The following PSD3 variants were observed in gnomAD, a reference collection of about 807,000 sequenced individuals.
PSD3 encodes pleckstrin and Sec7 domain containing 3.
PSD3 carries 49 observed loss-of-function variants against 105.5 expected under a neutral mutation model. That is an observed-to-expected ratio of 0.46 (90% CI 0.37 to 0.59). The LOEUF (loss-of-function observed/expected upper bound fraction) is 0.59, where lower values mean the gene tolerates loss of function less well. Ranked by LOEUF, PSD3 falls within the 20% of genes least tolerant of loss-of-function variation. The pLI is 0.00. For synonymous variants in PSD3, 557 were observed against 457.8 expected, an observed-to-expected ratio of 1.22 and a Z score of -2.77; for missense variants, 1,561 against 1,263.8, an observed-to-expected ratio of 1.24 and a Z score of -3.57.
chr8:19,008,200 G>A (rs1203581975), intron 1 of PSD3, among the ~76,000 whole-genome samples: 1 of 152,178 alleles, frequency 6.6e-6, no homozygotes, highest in African/African-American at 2.4e-5. Flanking sequence ...GTGGCTGACA[G>A]ACCTTTTGTA....
chr8:18,616,010 C>T (rs1482026567), intron 11 of PSD3, among the ~76,000 whole-genome samples: 1 of 140,152 alleles, frequency 7.1e-6, no homozygotes, highest in African/African-American at 2.6e-5. Flanking sequence ...AGAATCTGTT[C>T]TCCAAGGAAT....
At chr8:19,069,549 T>G (rs1284374414) in intron 1 of PSD3, among the ~76,000 whole-genome samples, 1 of 152,212 alleles carries the variant, frequency 6.6e-6, no homozygotes, top group African/African-American at 2.4e-5. Flanking sequence ...GAGATAAGAT[T>G]TGTACACAAA....
At chr8:18,663,791 G>C (rs1809526668) in intron 9 of PSD3, among the ~76,000 whole-genome samples, 1 of 152,186 alleles carries the variant, frequency 6.6e-6, no homozygotes, top group Non-Finnish European at 1.5e-5. Flanking sequence ...GCCTCACTGA[G>C]CTTCACGTAT....
intron 1 of PSD3, among the ~76,000 whole-genome samples, chr8:18,991,548 C>T (rs904063397): frequency 2.0e-5 from 3 of 152,052 alleles, no homozygotes; most frequent in African/African-American, 7.2e-5. Flanking sequence ...TTGGTAATAC[C>T]TGTGGAATGA....
intron 9 of PSD3, among the ~76,000 whole-genome samples, chr8:18,721,727 C>T (rs941376736): frequency 2.0e-5 from 3 of 152,188 alleles, no homozygotes; most frequent in Non-Finnish European, 4.4e-5. Context: ...GAGGCATTTG[C>T]TAGTGTAACT....
At chr8:18,775,266 T>C (rs7814472) in intron 8 of PSD3, among the ~76,000 whole-genome samples, 17,992 of 152,202 alleles carry the variant, frequency 0.12, 2,088 homozygotes, top group East Asian at 0.49. Flanking sequence ...CATCTATAAA[T>C]TAACATTTAG....
chr8:18,762,839 T>C, intron 9 of PSD3: 1 of 966,270 alleles, frequency 1.0e-6, no homozygotes, highest in Non-Finnish European at 1.4e-6. Flanking sequence ...GTCTATTTTT[T>C]CTTAACCCTT....
chr8:18,927,285 C>T (rs1821435621), intron 2 of PSD3, among the ~76,000 whole-genome samples: 2 of 152,242 alleles, frequency 1.3e-5, no homozygotes, highest in Non-Finnish European at 2.9e-5. Flanking sequence ...GCAACCTTGG[C>T]TCATTGCAAC....
At chr8:18,878,962 A>C (rs1168912074) in intron 2 of PSD3, among the ~76,000 whole-genome samples, 1 of 151,990 alleles carries the variant, frequency 6.6e-6, no homozygotes, top group East Asian at 1.9e-4. Context: ...AAGGGAAGAA[A>C]AGTTAAACTT....
chr8:18,671,999 TCTAGTTTAGACAGCTA>T (rs1799814181), intron 9 of PSD3, among the ~76,000 whole-genome samples: 1 of 152,226 alleles, frequency 6.6e-6, no homozygotes. Flanking sequence ...CAAAAACTTG[TCTAGTTTAGACAGCTA>T]AACCATATCA....
chr8:19,071,900 G>C (rs916904765), intron 1 of PSD3, among the ~76,000 whole-genome samples: 2 of 151,930 alleles, frequency 1.3e-5, no homozygotes, highest in East Asian at 3.9e-4. Context: ...AGTAGAGATG[G>C]GATTTCACTA....
chr8:18,672,370 T>G (rs1448874424), intron 9 of PSD3, among the ~76,000 whole-genome samples: 1 of 152,050 alleles, frequency 6.6e-6, no homozygotes, highest in Non-Finnish European at 1.5e-5. Context: ...CCTGGGGGAC[T>G]TTGACATTTA....
intron 8 of PSD3, among the ~76,000 whole-genome samples, chr8:18,780,194 T>G (rs919269500): frequency 6.6e-6 from 1 of 152,214 alleles, no homozygotes; most frequent in African/African-American, 2.4e-5. Flanking sequence ...TGCCGCTTTT[T>G]GGCTTAAAGT....
chr8:18,551,302 C>T (rs926230912), intron 15 of PSD3, among the ~76,000 whole-genome samples: 1 of 152,150 alleles, frequency 6.6e-6, no homozygotes, highest in East Asian at 1.9e-4. Flanking sequence ...ACTGACTATG[C>T]AACAAGATAC....
At chr8:18,955,780 T>TTTC (rs1823530824) in intron 1 of PSD3, among the ~76,000 whole-genome samples, 1 of 97,824 alleles carries the variant, frequency 1.0e-5, no homozygotes, top group Admixed American at 1.0e-4. Flanking sequence ...TTATTTATTT[T>TTTC]ATTTTTAAGA....
At chr8:18,712,320 A>G (rs1802304617) in intron 9 of PSD3, among the ~76,000 whole-genome samples, 1 of 152,000 alleles carries the variant, frequency 6.6e-6, no homozygotes, top group Admixed American at 6.6e-5. Flanking sequence ...CCTTCCAAAA[A>G]AAAAAAATCA....
chr8:18,913,906 C>A (rs913244691), intron 2 of PSD3, among the ~76,000 whole-genome samples: 2 of 152,206 alleles, frequency 1.3e-5, no homozygotes, highest in African/African-American at 2.4e-5. Flanking sequence ...CCAAGCCCAT[C>A]TCAGCACCAG....
At chr8:18,724,396 G>A (rs115436097) in intron 9 of PSD3, among the ~76,000 whole-genome samples, 142 of 152,228 alleles carry the variant, frequency 9.3e-4, no homozygotes, top group African/African-American at 3.4e-3. Flanking sequence ...AGCATCTCTT[G>A]TGGCCAGGAG....
At chr8:18,982,674 G>A (rs926298188) in intron 1 of PSD3, among the ~76,000 whole-genome samples, 3 of 152,186 alleles carry the variant, frequency 2.0e-5, no homozygotes, top group African/African-American at 7.2e-5. Flanking sequence ...TAGGTGCATG[G>A]CTGAAGAGCA....
Sources: allele counts gnomAD v4.1 joint callset (sites outside exome capture counted in the v4.1 genomes callset), GRCh38; gene constraint gnomAD v4.1.1; transcripts MANE v1.5; gene names NCBI Gene and HGNC (gene_info 2026-07-23, HGNC 2026-07-21).